The following ATAD3C variants were observed in gnomAD, a reference collection of about 807,000 sequenced individuals.
ATAD3C encodes the protein ATPase family AAA domain containing 3C, also known as ATPase family AAA domain-containing protein 3C.
A neutral mutation model predicts 46.3 loss-of-function variants in ATAD3C; 38 were observed. The ratio of observed to expected loss-of-function variants is 0.82; its 90% CI spans 0.63 to 1.08. The LOEUF is 1.08. Ranked by LOEUF, ATAD3C falls within the 50% of genes least tolerant of loss-of-function variation. The pLI is 0.00. For synonymous variants in ATAD3C, 220 were observed against 236.4 expected (o/e 0.93, Z 0.63); for missense variants, 563 against 572.7 (o/e 0.98, Z 0.17).
Position 1,454,379 on chromosome 1 carries a change from A to G in ATAD3C, c.257A>G (p.Tyr86Cys), listed in dbSNP as rs1638915353. 2 of 1,600,824 alleles carry G rather than the reference A, an allele frequency of 1.2e-6. No homozygotes were observed. The highest frequency in any genetic ancestry group is 2.7e-5 in the African/African-American group (2 of 74,434). ...AGLTLLAVGV[Y>C]SAKNATAVTG... Reference sequence around the variant, plus strand: ...CTGACGCTGCTGGCTGTCGGGGTCTACTCAGCCAAGAATGCGACAGCCGTC... The same window carrying G: ...CTGACGCTGCTGGCTGTCGGGGTCTGCTCAGCCAAGAATGCGACAGCCGTC... The change falls in exon 4 of 12, where the codon TAC (tyrosine) becomes TGC (cysteine). Residue 86 changes from tyrosine (Y) to cysteine (C), a missense_variant. By Grantham distance (194) the Tyr-to-Cys change is radical (BLOSUM62 -2). This residue lies in a region of ATAD3C where 263 missense variants were observed against 243.1 expected (regional missense o/e 1.08). Coordinates refer to ENST00000378785, the MANE Select transcript of ATAD3C (RefSeq NM_001039211.3).
intron 8 of ATAD3C, among the ~76,000 whole-genome samples, chr1:1,458,159 T>C (rs1449250416): frequency 2.6e-5 from 4 of 151,386 alleles, no homozygotes; most frequent in African/African-American, 9.7e-5. Context: ...TTTTGTATTT[T>C]TAGTAGAGAT....
At chr1:1,456,149 A>C (rs1638957264) in intron 6 of ATAD3C, 76 bp from the exon 7 acceptor site, 1 of 1,537,182 alleles carries the variant, frequency 6.5e-7, no homozygotes. Flanking sequence ...GAGCCTCCAC[A>C]CTCCGGGTGG....
At chr1:1,455,358 C>T (rs1047346518) in intron 4 of ATAD3C, 102 bp from the exon 5 acceptor site, 51 of 1,495,650 alleles carry the variant, frequency 3.4e-5, no homozygotes, top group East Asian at 2.7e-4. Context: ...GGCTGTGATT[C>T]GGGGCAGCTC....
At chr1:1,464,850 T>C (rs1014785607) in intron 11 of ATAD3C, among the ~76,000 whole-genome samples, 6 of 152,034 alleles carry the variant, frequency 3.9e-5, no homozygotes, top group Non-Finnish European at 7.4e-5. Context: ...TTAGTCTCTA[T>C]GTTGCTTTGA....
Position 1,452,434 on chromosome 1 carries a change from G to T in ATAD3C, c.222G>T (p.Thr74=). 2 of 1,613,700 alleles carry T rather than the reference G, an allele frequency of 1.2e-6. No individual in the cohort carries two copies. The highest frequency in any genetic ancestry group is 1.7e-6 in the Non-Finnish European group (2 of 1,179,742). The change falls in exon 3 of 12, where the codon ACG becomes ACT. Residue 74 remains threonine (T), a splice_region_variant and synonymous_variant. Transcript: ENST00000378785. The part of the protein sequence containing the change: ...FVTDRDKVTA[T]VAGLTLLAVG... ...CAGACCGGGACAAAGTGACAGCCAC[G>T]GTAAACATACTCATAAAACAGGGCT...
rs1360991378 is a variant in ATAD3C, at chr1:1,457,611, A to C, written c.741+431A>C. On this transcript the variant is annotated intron_variant, in intron 8 of 11. Transcript: ENST00000378785. ...ACTTCATCTCAAAAAAAAAAAAAAA[A>C]AAACAAAAAAAACAGCATTTTTTTA... is the stretch of plus-strand genomic sequence containing the variant. 1.1e-3 allele frequency among the ~76,000 whole-genome samples: 158 copies of C among 143,750 alleles called. 3 individuals carry two copies. The highest frequency in any genetic ancestry group is 4.7e-3 in the Admixed American group (69 of 14,754). 94.3% of individuals were successfully genotyped at this position (143,750 alleles called of 152,430 possible).
chr1:1,455,400 G>A lies in ATAD3C; in HGVS notation c.379-60G>A, dbSNP rs1390674841. On this transcript the variant is annotated intron_variant, in intron 4 of 11. Coordinates refer to ENST00000378785, the MANE Select transcript of ATAD3C (RefSeq NM_001039211.3). Reference sequence around the variant, plus strand: ...TGCGTGTTACCGAGCTTGTGTGTGCGTTGGTGGCTGTTCCGTGGCTGTGGC... The same window carrying A: ...TGCGTGTTACCGAGCTTGTGTGTGCATTGGTGGCTGTTCCGTGGCTGTGGC... 1.7e-5 allele frequency: 27 copies of A among 1,594,324 alleles called. 2 individuals are homozygous for A. The highest frequency in any genetic ancestry group is 1.2e-4 in the South Asian group (11 of 89,054).
chr1:1,457,972 G>A (rs1271204660), intron 8 of ATAD3C, among the ~76,000 whole-genome samples: 5 of 151,102 alleles, frequency 3.3e-5, no homozygotes, highest in Admixed American at 6.6e-5. Flanking sequence ...CACTGCACCC[G>A]GTCTATTTTT....
rs1240729 is a variant in ATAD3C, at chr1:1,468,826, G to A, written c.*296G>A. On this transcript the variant is annotated 3_prime_UTR_variant, in exon 12 of 12. Coordinates refer to ENST00000378785, the MANE Select transcript of ATAD3C (RefSeq NM_001039211.3). ...GGTGCCCGTGCCCCATCCTGAGGCC[G>A]TGCATACGCGGGTGCCCCTTCGCCT... 6.0e-4 allele frequency: 258 copies of A among 426,658 alleles called. 1 individual carries two copies. Among genetic ancestry groups the A allele is most frequent in the Middle Eastern group, 3.5e-3 (5 of 1,436 alleles). 26.4% of individuals were successfully genotyped at this position (426,658 alleles called of 1,614,324 possible).
chr1:1,454,750 G>T (rs1335841449), intron 4 of ATAD3C, among the ~76,000 whole-genome samples: 2 of 151,892 alleles, frequency 1.3e-5, no homozygotes, highest in South Asian at 4.2e-4. Context: ...AGCACATCGG[G>T]GTCCTTGCAA....
At chr1:1,457,048 C>A (rs1371882509) in intron 7 of ATAD3C, 81 bp from the exon 8 acceptor site, 3 of 1,592,586 alleles carry the variant, frequency 1.9e-6, no homozygotes, top group Non-Finnish European at 2.6e-6. Context: ...CCTGCTTGGC[C>A]TGCTCCTGCC....
chr1:1,468,944 C>G lies in ATAD3C; in HGVS notation c.*414C>G, dbSNP rs1445615651. 4.6e-6 allele frequency: 1 copy of G among 215,810 alleles called. No homozygotes were observed. The highest frequency in any genetic ancestry group is 9.3e-6 in the Non-Finnish European group (1 of 107,858). The allele number at this position is 215,810 out of a possible 1,614,324, so 13.4% of individuals were successfully genotyped here. ...CAGCGGCTTCAAATAGATGCCGCCC[C>G]TGCCCGCGCTTTGCAGCTAGTCCCT... is the stretch of plus-strand genomic sequence containing the variant. On this transcript the variant is annotated 3_prime_UTR_variant, in exon 12 of 12. Coordinates refer to ENST00000378785, the MANE Select transcript of ATAD3C (RefSeq NM_001039211.3).
rs138739459 is a variant in ATAD3C, at chr1:1,462,840, G to A, written c.1089+132G>A. 1.4e-4 allele frequency: 164 copies of A among 1,194,210 alleles called. 2 individuals are homozygous for A. In the Admixed American group the frequency reaches 3.7e-3, roughly 27 times the overall value. 74.0% of individuals were successfully genotyped at this position (1,194,210 alleles called of 1,614,324 possible). A position where few individuals can be genotyped will look rare whatever the true frequency, so the allele number is the denominator to read the frequency against. ...TGAGGGGTTTTCAGTGCACAGATGTGACACGGGGCCCCTGCCCCAGTTGGG... is the reference window on the plus strand; with the variant it reads ...TGAGGGGTTTTCAGTGCACAGATGTAACACGGGGCCCCTGCCCCAGTTGGG... On this transcript the variant is annotated intron_variant, in intron 11 of 11. Transcript: ENST00000378785. The surrounding 1 kb of genome is among the most constrained non-coding windows in gnomAD (Gnocchi z 4.5).
Position 1,450,719 on chromosome 1 carries a change from G to A in ATAD3C, c.36G>A (p.Gln12=). ...ACGCCCTGAATCTGGCGCAGATGCA[G>A]GAGCAGACGCTGCAGTTGGAGCAAC... ...SKDALNLAQM[Q]EQTLQLEQQS... is the part of the protein sequence containing the mutation. Residue 12 remains glutamine, a synonymous_variant, in exon 1 of 12, where the codon CAG becomes CAA. Coordinates refer to ENST00000378785, the MANE Select transcript of ATAD3C (RefSeq NM_001039211.3). 1 of 1,613,318 alleles carries A rather than the reference G, an allele frequency of 6.2e-7. No individual in the cohort carries two copies. Among genetic ancestry groups the A allele is most frequent in the Non-Finnish European group, 8.5e-7 (1 of 1,179,592 alleles).
At chr1:1,467,510 T>C (rs1345570665) in intron 11 of ATAD3C, among the ~76,000 whole-genome samples, 1 of 152,014 alleles carries the variant, frequency 6.6e-6, no homozygotes. Flanking sequence ...CACCACGTGG[T>C]CATCCCCATG....
chr1:1,451,409 C>G lies in ATAD3C; in HGVS notation c.76-637C>G, dbSNP rs183009556. 1.3e-5 allele frequency among the ~76,000 whole-genome samples: 2 copies of G among 151,676 alleles called. 1 individual carries two copies. Among genetic ancestry groups the G allele is most frequent in the South Asian group, 4.2e-4 (2 of 4,774 alleles). ...TTGCCCAGGCTGGAGTGCAATGGTGCGATCTCAGCTCACCGCAACCTCTGC... is the reference window on the plus strand; with the variant it reads ...TTGCCCAGGCTGGAGTGCAATGGTGGGATCTCAGCTCACCGCAACCTCTGC... On this transcript the variant is annotated intron_variant, in intron 1 of 11. Transcript: ENST00000378785.
intron 1 of ATAD3C, among the ~76,000 whole-genome samples, chr1:1,451,103 C>G (rs1261473028): frequency 1.3e-5 from 2 of 150,878 alleles, no homozygotes; most frequent in African/African-American, 4.9e-5. Flanking sequence ...TGCAGTGGTG[C>G]GACCTTGGCT....
intron 10 of ATAD3C, among the ~76,000 whole-genome samples, chr1:1,461,332 T>C (rs945300069): frequency 2.0e-5 from 3 of 151,658 alleles, no homozygotes; most frequent in African/African-American, 7.3e-5. Context: ...GCATTATAGG[T>C]GCCCACGACC....
chr1:1,460,928 C>T lies in ATAD3C; in HGVS notation c.980+11C>T, dbSNP rs768992739. The T allele has an allele frequency of 1.1e-4, 173 of 1,596,838 alleles. 4 individuals are homozygous for T. Among genetic ancestry groups the T allele is most frequent in the Admixed American group, 2.2e-4 (13 of 59,104 alleles). ...CACAGAAGGAAAGCGGTAAGTGTCC[C>T]GCCCCACCAGCCCCCGTCCAGGGGC... On this transcript the variant is annotated intron_variant, in intron 10 of 11. Coordinates refer to ENST00000378785, the MANE Select transcript of ATAD3C (RefSeq NM_001039211.3).
Sources: gnomAD v4.1 joint callset for allele counts (sites outside exome capture counted in the v4.1 genomes callset) on GRCh38, gnomAD v4.1.1 for gene constraint, gnomAD v4.1.1 regional missense constraint, Gnocchi (gnomAD v3.1) non-coding constraint, MANE v1.5 for transcripts, NCBI Gene and HGNC (gene_info 2026-07-23, HGNC 2026-07-21) for gene names.